PDE4D: variants seen among roughly 807,000 people sequenced by gnomAD.
PDE4D encodes the protein 3',5'-cyclic-AMP phosphodiesterase 4D.
Under a neutral mutation model 87.4 loss-of-function variants are expected in PDE4D, and 24 were observed. The observed-to-expected ratio is 0.27, with a 90% CI of 0.20 to 0.39. The LOEUF (loss-of-function observed/expected upper bound fraction) is 0.39, where lower values mean the gene tolerates loss of function less well. Ranked by LOEUF, PDE4D falls within the 10% of genes least tolerant of loss-of-function variation. PDE4D has a pLI of 1.00. For missense variants in PDE4D, 714 were observed against 1,041.0 expected, an observed-to-expected ratio of 0.69 and a Z score of 4.32; for synonymous variants, 384 against 383.2, an observed-to-expected ratio of 1.00 and a Z score of -0.02.
intron 2 of PDE4D, among the ~76,000 whole-genome samples, chr5:60,145,330 C>A (rs1013101079): frequency 1.3e-5 from 2 of 152,312 alleles, no homozygotes; most frequent in Non-Finnish European, 2.9e-5. Flanking sequence ...CAAGGACTGA[C>A]AAGCTGTATG....
At chr5:60,079,147 G>A (rs900766981) in intron 2 of PDE4D, among the ~76,000 whole-genome samples, 1 of 152,152 alleles carries the variant, frequency 6.6e-6, no homozygotes, top group African/African-American at 2.4e-5. Context: ...ATGACATTGA[G>A]CTTTTTTCAT....
At chr5:60,213,486 G>A (rs779904409) in intron 1 of PDE4D, among the ~76,000 whole-genome samples, 1 of 152,108 alleles carries the variant, frequency 6.6e-6, no homozygotes, top group Non-Finnish European at 1.5e-5. Flanking sequence ...GAGACCAGTC[G>A]GATGGTCTTG....
intron 1 of PDE4D, among the ~76,000 whole-genome samples, chr5:60,369,101 C>T (rs1318935754): frequency 2.0e-5 from 3 of 151,812 alleles, no homozygotes; most frequent in East Asian, 3.9e-4. Flanking sequence ...TCTCCCTCAC[C>T]CTGTCTGTCT....
At chr5:59,850,048 T>G (rs998546055) in intron 1 of PDE4D, among the ~76,000 whole-genome samples, 1 of 152,040 alleles carries the variant, frequency 6.6e-6, no homozygotes, top group Admixed American at 6.6e-5. Flanking sequence ...GAGATTTGCA[T>G]TGATTAACGT....
intron 1 of PDE4D, among the ~76,000 whole-genome samples, chr5:59,308,207 G>T (rs1185373168): frequency 1.5e-5 from 2 of 135,412 alleles, no homozygotes; most frequent in African/African-American, 5.6e-5. Context: ...TCTGGGGACT[G>T]TTGTGGGGTG....
At chr5:59,947,183 A>C (rs1419612013) in intron 3 of PDE4D, among the ~76,000 whole-genome samples, 1 of 152,240 alleles carries the variant, frequency 6.6e-6, no homozygotes, top group African/African-American at 2.4e-5. Context: ...GCTATTTCCA[A>C]ATCATCTTAA....
At chr5:60,242,887 C>G (rs904643053) in intron 1 of PDE4D, among the ~76,000 whole-genome samples, 1 of 151,430 alleles carries the variant, frequency 6.6e-6, no homozygotes, top group Non-Finnish European at 1.5e-5. Context: ...AGAATTAAAA[C>G]TTCAAATAAA....
chr5:59,975,662 A>G (rs1761246069), intron 3 of PDE4D, among the ~76,000 whole-genome samples: 1 of 152,242 alleles, frequency 6.6e-6, no homozygotes, highest in Non-Finnish European at 1.5e-5. Context: ...ATAGCTGCTT[A>G]GCATACTGGA....
chr5:59,082,635 T>A (rs1476262356), intron 5 of PDE4D, among the ~76,000 whole-genome samples: 2 of 152,086 alleles, frequency 1.3e-5, no homozygotes, highest in African/African-American at 4.8e-5. Flanking sequence ...TGTAAAACTC[T>A]TGTATAAATA....
rs58613622 is a variant in PDE4D at position 59,781,784 on chromosome 5, C to CAAAAAAA, written c.455+111377_455+111383dup. Among the ~76,000 whole-genome samples, 51 of 39,898 alleles carry CAAAAAAA rather than the reference C, an allele frequency of 1.3e-3. 3 individuals are homozygous for CAAAAAAA. Among genetic ancestry groups the CAAAAAAA allele is most frequent in the African/African-American group, 1.5e-3 (19 of 12,292 alleles). 26.2% of individuals were successfully genotyped at this position (39,898 alleles called of 152,430 possible). A position where few individuals can be genotyped will look rare whatever the true frequency, so the allele number is the denominator to read the frequency against. On this transcript the variant is annotated intron_variant, in intron 1 of 14. Coordinates refer to ENST00000340635, the MANE Select transcript of PDE4D (RefSeq NM_001104631.2). The stretch of plus-strand genomic sequence containing the variant: ...TGGGCGACAGAGCGACACTCCATCT[C>CAAAAAAA]AAAAAAAAAAAAAAAAAAAAAAAAA...
intron 1 of PDE4D, among the ~76,000 whole-genome samples, chr5:60,219,691 T>A (rs1008876162): frequency 6.6e-6 from 1 of 152,166 alleles, no homozygotes; most frequent in Non-Finnish European, 1.5e-5. Flanking sequence ...AACCAGTGGT[T>A]CTAAACCTCA....
chr5:58,989,773 T>C lies in PDE4D; in HGVS notation c.1434A>G (p.Leu478=). The change falls in exon 10 of 15, where the codon TTA becomes TTG. Residue 478 remains leucine (L), a synonymous_variant. Transcript: ENST00000340635. ...GATTTACCTCCAAAGCAGGTGTAGATAATAGCACATGAGTAGACTGGACAA... is the reference window on the plus strand; with the variant it reads ...GATTTACCTCCAAAGCAGGTGTAGACAATAGCACATGAGTAGACTGGACAA... ...ADVVQSTHVL[L]STPALEAVFT... 1.2e-6 allele frequency: 2 copies of C among 1,606,112 alleles called. No homozygotes were observed. Among genetic ancestry groups the C allele is most frequent in the South Asian group, 2.2e-5 (2 of 89,004 alleles).
At chr5:59,287,615 G>C (rs1159062669) in intron 1 of PDE4D, among the ~76,000 whole-genome samples, 1 of 151,990 alleles carries the variant, frequency 6.6e-6, no homozygotes, top group Non-Finnish European at 1.5e-5. Flanking sequence ...GCAAGACCCA[G>C]TGCTATGCTG....
Position 60,315,879 on chromosome 5 carries a change from G to T in PDE4D, c.-89-130192C>A, listed in dbSNP as rs975789730. On this transcript the variant is annotated intron_variant, in intron 1 of 16. Transcript: ENST00000502484. Reference sequence around the variant, plus strand: ...TTTGGTACCAGTACCATGCTGTTTTGGTGACTGTAGCCTTGTAGTATAGTT... The same window carrying T: ...TTTGGTACCAGTACCATGCTGTTTTTGTGACTGTAGCCTTGTAGTATAGTT... 3.3e-5 allele frequency among the ~76,000 whole-genome samples: 5 copies of T among 152,050 alleles called. No homozygotes were observed. In the East Asian group the frequency reaches 7.7e-4, roughly 23 times the overall value.
At chr5:60,127,254 T>G (rs1779195793) in intron 2 of PDE4D, among the ~76,000 whole-genome samples, 1 of 152,102 alleles carries the variant, frequency 6.6e-6, no homozygotes, top group African/African-American at 2.4e-5. Flanking sequence ...GTGATTCAGA[T>G]TATTGAGCCC....
intron 2 of PDE4D, among the ~76,000 whole-genome samples, chr5:60,123,898 C>T (rs1200379826): frequency 1.3e-5 from 2 of 151,948 alleles, no homozygotes. Context: ...TAAACAATTA[C>T]CCCACAACCA....
chr5:59,406,969 T>C lies in PDE4D; in HGVS notation c.456-191001A>G, dbSNP rs1024495125. Among the ~76,000 whole-genome samples, 4 of 152,328 alleles carry C rather than the reference T, an allele frequency of 2.6e-5. No homozygotes were observed. In the East Asian group the frequency reaches 7.7e-4, roughly 29 times the overall value. On this transcript the variant is annotated intron_variant, in intron 1 of 14. Coordinates refer to ENST00000340635, the MANE Select transcript of PDE4D (RefSeq NM_001104631.2). ...CCTCAGAGTTTTGTGGAGACTTGGC[T>C]ATCTATTCATATTCAACAGGGAGAC...
intron 5 of PDE4D, among the ~76,000 whole-genome samples, chr5:59,130,052 AT>A (rs1384874233): frequency 2.6e-5 from 4 of 152,214 alleles, no homozygotes; most frequent in African/African-American, 9.6e-5. Context: ...GACATATAGT[AT>A]TTCCCCCCTT....
At chr5:60,100,437 G>T (rs1184170621) in intron 2 of PDE4D, among the ~76,000 whole-genome samples, 1 of 151,978 alleles carries the variant, frequency 6.6e-6, no homozygotes, top group Non-Finnish European at 1.5e-5. Flanking sequence ...AGAGATAAAA[G>T]AGAAGAAGAA....
Sources: allele counts gnomAD v4.1 joint callset (sites outside exome capture counted in the v4.1 genomes callset), GRCh38; gene constraint gnomAD v4.1.1; transcripts MANE v1.5; gene names NCBI Gene and HGNC (gene_info 2026-07-23, HGNC 2026-07-21).